CSMD2: variants seen among roughly 807,000 people sequenced by gnomAD.
The protein encoded by CSMD2 is CUB and sushi domain-containing protein 2.
A neutral mutation model predicts 398.5 loss-of-function variants in CSMD2; 130 were observed. The observed-to-expected ratio is 0.33, with a 90% CI of 0.28 to 0.38. The LOEUF (loss-of-function observed/expected upper bound fraction) is 0.38. Ranked by LOEUF, CSMD2 falls within the 10% of genes least tolerant of loss-of-function variation. The pLI is 1.00. For missense variants in CSMD2, 3,829 were observed against 4,764.9 expected, an observed-to-expected ratio of 0.80 and a Z score of 5.78; for synonymous variants, 1,828 against 1,908.5, an observed-to-expected ratio of 0.96 and a Z score of 1.10.
At chr1:34,048,108 G>A (rs1652749863) in intron 2 of CSMD2, among the ~76,000 whole-genome samples, 1 of 152,044 alleles carries the variant, frequency 6.6e-6, no homozygotes, top group South Asian at 2.1e-4. Context: ...ATGGAAATGG[G>A]GAAGGAAGCT....
At position 34,082,995 on chromosome 1, in the gene CSMD2, A is replaced by G. The variant is rs1442443249; in HGVS notation, c.404+5982T>C. Among the ~76,000 whole-genome samples the G allele has an allele frequency of 5.3e-5, 8 of 151,932 alleles. No individual in the cohort carries two copies. The South Asian group carries it at 1.3e-3, about 24-fold the overall frequency. ...CCTTTGTTCACATGTTTATCTGCTGACCTTCTCTCCACTATTGTCCTATGA... is the reference window on the plus strand; with the variant it reads ...CCTTTGTTCACATGTTTATCTGCTGGCCTTCTCTCCACTATTGTCCTATGA... On this transcript the variant is annotated intron_variant, in intron 2 of 70. Transcript: ENST00000373381.
At chr1:33,648,081 G>A (rs1266031174) in intron 28 of CSMD2, among the ~76,000 whole-genome samples, 1 of 152,162 alleles carries the variant, frequency 6.6e-6, no homozygotes, top group Non-Finnish European at 1.5e-5. Context: ...CAGGGCTTTT[G>A]GCCGGGCATG....
Position 34,083,082 on chromosome 1 carries a change from A to T in CSMD2, c.404+5895T>A, listed in dbSNP as rs59343443. ...ATGATCAATAAATACTAAAAAAATT[A>T]AAAAAAAAAAAAAAGAAATCAAGGA... On this transcript the variant is annotated intron_variant, in intron 2 of 70. Coordinates refer to ENST00000373381, the MANE Select transcript of CSMD2 (RefSeq NM_001281956.2). Among the ~76,000 whole-genome samples, 1,052 of 115,768 alleles carry T rather than the reference A, an allele frequency of 9.1e-3. 10 individuals are homozygous for T. The highest frequency in any genetic ancestry group is 0.059 in the East Asian group (269 of 4,574). The allele number at this position is 115,768 out of a possible 152,430, so 75.9% of individuals were successfully genotyped here. A position where few individuals can be genotyped will look rare whatever the true frequency, so the allele number is the denominator to read the frequency against.
intron 4 of CSMD2, among the ~76,000 whole-genome samples, chr1:33,925,751 A>G (rs1213046568): frequency 6.6e-6 from 1 of 152,072 alleles, no homozygotes; most frequent in Admixed American, 6.5e-5. Context: ...AAAGTGGAAT[A>G]CCCGATGACT....
At chr1:33,829,368 A>G (rs1280520193) in intron 6 of CSMD2, among the ~76,000 whole-genome samples, 10 of 152,160 alleles carry the variant, frequency 6.6e-5, no homozygotes, top group African/African-American at 2.4e-4. Context: ...ATTTACTTTT[A>G]TTTACAGTCT....
At chr1:33,958,609 T>C (rs1645246603) in intron 3 of CSMD2, among the ~76,000 whole-genome samples, 1 of 152,182 alleles carries the variant, frequency 6.6e-6, no homozygotes, top group African/African-American at 2.4e-5. Context: ...GGTTAGAGAC[T>C]TGAAGCAGTA....
At chr1:33,571,450 C>T (rs927665992) in intron 51 of CSMD2, 82 bp downstream of exon 51, 24 of 1,120,688 alleles carry the variant, frequency 2.1e-5, no homozygotes, top group Non-Finnish European at 2.7e-5. Flanking sequence ...CTTTTTCCCC[C>T]ACCCCAGTTC....
chr1:33,821,811 C>T lies in CSMD2; in HGVS notation c.1112-1255G>A, dbSNP rs549717475. On this transcript the variant is annotated intron_variant, in intron 7 of 70. Transcript: ENST00000373381. ...AGTGGGGAGGGATGAAGGATGCACC[C>T]GCATGTGAGGCTGCCTGGAAGAGGT... Among the ~76,000 whole-genome samples, 14 of 152,244 alleles carry T rather than the reference C, an allele frequency of 9.2e-5. No individual in the cohort carries two copies. The East Asian group carries it at 1.2e-3, about 13-fold the overall frequency.
intron 15 of CSMD2, among the ~76,000 whole-genome samples, chr1:33,735,930 C>T (rs1258482385): frequency 1.3e-5 from 2 of 152,176 alleles, no homozygotes. Context: ...GGGACAGGTT[C>T]CCAGGGGCTT....
chr1:34,076,928 A>AATATATATAT (rs1177320523), intron 2 of CSMD2, among the ~76,000 whole-genome samples: 8 of 53,590 alleles, frequency 1.5e-4, no homozygotes, highest in African/African-American at 5.2e-4. Flanking sequence ...AAAAAAAAAA[A>AATATATATAT]ATATATATAT....
At chr1:33,606,355 A>G (rs1640607477) in intron 41 of CSMD2, among the ~76,000 whole-genome samples, 1 of 152,244 alleles carries the variant, frequency 6.6e-6, no homozygotes, top group East Asian at 1.9e-4. Flanking sequence ...TGTGTTTCTC[A>G]TACGTAATAA....
chr1:33,712,321 C>T (rs537386959), intron 21 of CSMD2, among the ~76,000 whole-genome samples: 9 of 152,170 alleles, frequency 5.9e-5, no homozygotes, highest in Admixed American at 5.9e-4. Context: ...ATGTCACCTC[C>T]CTCCCCGCCA....
At chr1:33,822,726 G>T (rs956118034) in intron 7 of CSMD2, among the ~76,000 whole-genome samples, 11 of 152,302 alleles carry the variant, frequency 7.2e-5, no homozygotes, top group African/African-American at 2.4e-4. Flanking sequence ...TAATGGAACG[G>T]AGATAACTAG....
intron 2 of CSMD2, among the ~76,000 whole-genome samples, chr1:34,070,691 C>T (rs1446078996): frequency 6.6e-6 from 1 of 151,734 alleles, no homozygotes; most frequent in East Asian, 1.9e-4. Context: ...GTCTGCATTC[C>T]CCCACCCCCA....
intron 14 of CSMD2, 107 bp from the exon 15 acceptor site, chr1:33,739,441 T>C: frequency 1.9e-6 from 2 of 1,068,952 alleles, no homozygotes; most frequent in Non-Finnish European, 2.7e-6. Context: ...CTCCACCACC[T>C]CCCCAAGAAC....
chr1:33,832,370 G>A (rs544970614), intron 6 of CSMD2, among the ~76,000 whole-genome samples: 179 of 149,372 alleles, frequency 1.2e-3, no homozygotes, highest in Non-Finnish European at 2.1e-3. Context: ...ACTCAAAACC[G>A]CTCAACTACG....
At chr1:34,042,880 G>A (rs1000039630) in intron 2 of CSMD2, among the ~76,000 whole-genome samples, 10 of 151,968 alleles carry the variant, frequency 6.6e-5, no homozygotes, top group East Asian at 1.9e-4. Context: ...CTCTGCCTCC[G>A]GGGTTTCACA....
intron 27 of CSMD2, 110 bp downstream of exon 27, chr1:33,657,836 T>C (rs1557685507): frequency 9.0e-7 from 1 of 1,110,554 alleles, no homozygotes; most frequent in Admixed American, 2.3e-5. Flanking sequence ...CTTTTGTCTG[T>C]TTCAATTCTC....
At chr1:34,111,982 TTC>T (rs6143186) in intron 1 of CSMD2, among the ~76,000 whole-genome samples, 2,078 of 149,748 alleles carry the variant, frequency 0.014, 17 homozygotes, top group South Asian at 0.028. Context: ...TTCTTTCAAA[TTC>T]TCTCTCTCTC....
Sources: allele counts gnomAD v4.1 joint callset (sites outside exome capture counted in the v4.1 genomes callset), GRCh38; gene constraint gnomAD v4.1.1; transcripts MANE v1.5; gene names NCBI Gene and HGNC (gene_info 2026-07-23, HGNC 2026-07-21).